The following SMO variants were observed in gnomAD, a reference collection of about 807,000 sequenced individuals.
SMO encodes smoothened, frizzled class receptor, also known as protein smoothened.
A neutral mutation model predicts 81.6 loss-of-function variants in SMO; 40 were observed. The ratio of observed to expected loss-of-function variants is 0.49; its 90% CI spans 0.38 to 0.64. SMO has a LOEUF of 0.64. Ranked by LOEUF, SMO falls within the 30% of genes least tolerant of loss-of-function variation. The pLI, the probability that SMO is intolerant of heterozygous loss-of-function variation, is 0.00. For missense variants in SMO, 916 were observed against 1,061.1 expected, an observed-to-expected ratio of 0.86 and a Z score of 1.90; for synonymous variants, 434 against 432.1, an observed-to-expected ratio of 1.00 and a Z score of -0.05.
chr7:129,208,783 A>G lies in SMO; in HGVS notation c.1289A>G (p.Lys430Arg), dbSNP rs1347338942. 1 of 1,613,664 alleles carries G rather than the reference A, an allele frequency of 6.2e-7. No individual in the cohort carries two copies. The highest frequency in any genetic ancestry group is 8.5e-7 in the Non-Finnish European group (1 of 1,179,670). Residue 430 changes from lysine (K) to arginine (R), a missense_variant, in exon 7 of 12, where the codon AAG becomes AGG. By Grantham distance (26) the Lys-to-Arg change is conservative (BLOSUM62 2). This residue lies in a region of SMO where 436 missense variants were observed against 570.9 expected (regional missense o/e 0.76). Coordinates refer to ENST00000249373, the MANE Select transcript of SMO (RefSeq NM_005631.5). This position sits in a 1 kb window ranked among gnomAD's most constrained non-coding sequence, Gnocchi z 5.2. ...IRGVMTLFSI[K>R]SNHPGLLSEK... Reference sequence around the variant, plus strand: ...GGAGTCATGACTCTGTTCTCCATCAAGAGCAACCACCCCGGGCTGCTGAGT... The same window carrying G: ...GGAGTCATGACTCTGTTCTCCATCAGGAGCAACCACCCCGGGCTGCTGAGT...
intron 7 of SMO, 197 bp downstream of exon 7, chr7:129,209,048 C>T (rs1341996843): frequency 1.6e-6 from 1 of 617,820 alleles, no homozygotes; most frequent in Non-Finnish European, 2.9e-6. Context: ...AGAATTCAGT[C>T]AAGTTCATGC....
At chr7:129,209,626 TGCCCAGC>T in intron 8 of SMO, 1 of 505,874 alleles carries the variant, frequency 2.0e-6, no homozygotes, top group Non-Finnish European at 3.6e-6. Flanking sequence ...CCCCCTTGGT[TGCCCAGC>T]TGGTGCATGT....
In SMO at chr7:129,207,365, C is replaced by T. The variant is rs148184570; in HGVS notation, c.1264+778C>T. Among the ~76,000 whole-genome samples, 400 of 152,320 alleles carry T rather than the reference C, an allele frequency of 2.6e-3. 2 individuals carry two copies. Among genetic ancestry groups the T allele is most frequent in the African/African-American group, 8.9e-3 (368 of 41,572 alleles). On this transcript the variant is annotated intron_variant, in intron 6 of 11. Coordinates refer to ENST00000249373, the MANE Select transcript of SMO (RefSeq NM_005631.5). ...CGGCACACACAGCTCTCACAGCATG[C>T]GTGGAATTAGTGGTCCCTAACTTTC...
rs768864378 is a variant in SMO at position 129,203,520 on chromosome 7, C to T, written c.468C>T (p.Ile156=). The T allele has an allele frequency of 1.2e-5, 20 of 1,608,026 alleles. No individual in the cohort carries two copies. The South Asian group carries it at 1.3e-4, about 11-fold the overall frequency. The change falls in exon 2 of 12, where the codon ATC becomes ATT. Residue 156 remains isoleucine (I), a synonymous_variant. Coordinates refer to ENST00000249373, the MANE Select transcript of SMO (RefSeq NM_005631.5). ...AGGCCACCCGAGGCCCCTGTGCCAT[C>T]GTGGAGAGGGAGCGGGGCTGGCCTG... ...LCQATRGPCA[I]VERERGWPDF...
intron 2 of SMO, 147 bp downstream of exon 2, chr7:129,203,736 C>T: frequency 1.6e-6 from 1 of 611,842 alleles, no homozygotes; most frequent in African/African-American, 1.8e-5. Flanking sequence ...GACACAAACT[C>T]AAACTGCAGC....
chr7:129,200,278 G>A (rs566633707), intron 1 of SMO, among the ~76,000 whole-genome samples: 32 of 152,150 alleles, frequency 2.1e-4, no homozygotes, highest in East Asian at 1.2e-3. Context: ...AAAATTAGCC[G>A]GGTGTGGTGG....
At chr7:129,205,568 A>T (rs2150648867) in intron 3 of SMO, 42 bp from the exon 4 acceptor site, 1 of 1,591,306 alleles carries the variant, frequency 6.3e-7, no homozygotes, top group Non-Finnish European at 8.6e-7. Context: ...GTGTCAGCAG[A>T]ATAACCCTAA....
In SMO at chr7:129,212,698, C is replaced by G. The variant is rs979706613; in HGVS notation, c.*247C>G. ...CTCAGGGTCCTTGTTTCTGCCCTGCCAGCTGCAGCCTGGTTGGCAGCATCT... is the reference window on the plus strand; with the variant it reads ...CTCAGGGTCCTTGTTTCTGCCCTGCGAGCTGCAGCCTGGTTGGCAGCATCT... On this transcript the variant is annotated 3_prime_UTR_variant, in exon 12 of 12. Coordinates refer to ENST00000249373, the MANE Select transcript of SMO (RefSeq NM_005631.5). This position sits in a 1 kb window ranked among gnomAD's most constrained non-coding sequence, Gnocchi z 5.0. 2.0e-5 allele frequency: 11 copies of G among 549,304 alleles called. No individual in the cohort carries two copies. Among genetic ancestry groups the G allele is most frequent in the Non-Finnish European group, 3.2e-5 (10 of 309,362 alleles). 34.0% of individuals were successfully genotyped at this position (549,304 alleles called of 1,614,324 possible).
In SMO at chr7:129,210,309, AAAG is replaced by A; in HGVS notation, c.1467-52_1467-50del. 1 of 1,471,018 alleles carries A rather than the reference AAAG, an allele frequency of 6.8e-7. No individual in the cohort carries two copies. The highest frequency in any genetic ancestry group is 1.1e-5 in the South Asian group (1 of 87,352). The allele number at this position is 1,471,018 out of a possible 1,614,324, so 91.1% of individuals were successfully genotyped here. A position where few individuals can be genotyped will look rare whatever the true frequency, so the allele number is the denominator to read the frequency against. ...GACAGAGCAAGATCCTATCTCAAAA[AAAG>A]AGAGAGGAAAAGAAAGGAAAGCCTC... On this transcript the variant is annotated intron_variant, in intron 8 of 11. Transcript: ENST00000249373. This position sits in a 1 kb window ranked among gnomAD's most constrained non-coding sequence, Gnocchi z 4.7.
rs566267559 is a variant in SMO at position 129,190,384 on chromosome 7, G to A, written c.331+902G>A. Reference sequence around the variant, plus strand: ...CTCTCCCCCACCTGTCACTTTTCTAGATGAGGCTTGGAGGGTGCTGAGGAA... The same window carrying A: ...CTCTCCCCCACCTGTCACTTTTCTAAATGAGGCTTGGAGGGTGCTGAGGAA... On this transcript the variant is annotated intron_variant, in intron 1 of 11. Coordinates refer to ENST00000249373, the MANE Select transcript of SMO (RefSeq NM_005631.5). Among the ~76,000 whole-genome samples the A allele has an allele frequency of 1.3e-4, 20 of 152,314 alleles. No homozygotes were observed. The South Asian group carries it at 2.9e-3, about 22-fold the overall frequency.
At position 129,189,918 on chromosome 7, in the gene SMO, C is replaced by T. The variant is rs55788193; in HGVS notation, c.331+436C>T. ...GGGATGACGGAGGAAGAGGTTTAGACATTTGGAGGGAAGGGTAGGGGGACA... is the reference window on the plus strand; with the variant it reads ...GGGATGACGGAGGAAGAGGTTTAGATATTTGGAGGGAAGGGTAGGGGGACA... On this transcript the variant is annotated intron_variant, in intron 1 of 11. Coordinates refer to ENST00000249373, the MANE Select transcript of SMO (RefSeq NM_005631.5). The surrounding 1 kb of genome is among the most constrained non-coding windows in gnomAD (Gnocchi z 4.7). Among the ~76,000 whole-genome samples the T allele has an allele frequency of 8.5e-4, 129 of 152,112 alleles. 3 individuals carry two copies. In the East Asian group the frequency reaches 0.017, roughly 20 times the overall value.
chr7:129,191,895 A>G (rs1479115804), intron 1 of SMO, among the ~76,000 whole-genome samples: 1 of 152,208 alleles, frequency 6.6e-6, no homozygotes, highest in African/African-American at 2.4e-5. Flanking sequence ...CTGCGCATGT[A>G]AGGATGAAGA....
intron 1 of SMO, among the ~76,000 whole-genome samples, chr7:129,202,993 GTA>G (rs1793695411): frequency 6.6e-6 from 1 of 152,206 alleles, no homozygotes; most frequent in South Asian, 2.1e-4. Flanking sequence ...CATGTAACCA[GTA>G]TCAGATCAGG....
chr7:129,197,367 G>A (rs1793598081), intron 1 of SMO, among the ~76,000 whole-genome samples: 2 of 152,124 alleles, frequency 1.3e-5, no homozygotes, highest in South Asian at 4.1e-4. Flanking sequence ...ATCAGATTAA[G>A]AACGTTGTCT....
chr7:129,202,290 A>G (rs1793684355), intron 1 of SMO, among the ~76,000 whole-genome samples: 2 of 152,200 alleles, frequency 1.3e-5, no homozygotes, highest in African/African-American at 4.8e-5. Context: ...CAGCCAGGAA[A>G]GAGTGGAGCC....
intron 8 of SMO, chr7:129,209,690 T>G: frequency 2.7e-6 from 1 of 366,544 alleles, no homozygotes. Flanking sequence ...TGACTGACAC[T>G]AAGTTGCCCT....
Position 129,210,360 on chromosome 7 carries a change from T to C in SMO, c.1467-3T>C, listed in dbSNP as rs1351886899. ...CTCACCTGTCTACGTTCCCTCACTG[T>C]AGATGTCAGGCCAATGTGACCATCG... On this transcript the variant is annotated splice_region_variant and splice_polypyrimidine_tract_variant and intron_variant, in intron 8 of 11. Transcript: ENST00000249373. This position sits in a 1 kb window ranked among gnomAD's most constrained non-coding sequence, Gnocchi z 4.7. 1 of 1,612,700 alleles carries C rather than the reference T, an allele frequency of 6.2e-7. No homozygotes were observed. Among genetic ancestry groups the C allele is most frequent in the Non-Finnish European group, 8.5e-7 (1 of 1,178,800 alleles).
rs1183561294 is a variant in SMO at position 129,208,445 on chromosome 7, C to CA, written c.1265-304dup. On this transcript the variant is annotated intron_variant, in intron 6 of 11. Transcript: ENST00000249373. The surrounding 1 kb of genome is among the most constrained non-coding windows in gnomAD (Gnocchi z 5.2). ...CAGCCTGGGCGACAGGGTTCCATCT[C>CA]AAAAAAAAAATTATATGGATAGCGC... Among the ~76,000 whole-genome samples, 82 of 63,234 alleles carry CA rather than the reference C, an allele frequency of 1.3e-3. No homozygotes were observed. Among genetic ancestry groups the CA allele is most frequent in the African/African-American group, 3.3e-3 (67 of 20,358 alleles). 41.5% of individuals were successfully genotyped at this position (63,234 alleles called of 152,430 possible). A position where few individuals can be genotyped will look rare whatever the true frequency, so the allele number is the denominator to read the frequency against.
chr7:129,209,107 G>A, intron 7 of SMO, 182 bp from the exon 8 acceptor site: 1 of 610,802 alleles, frequency 1.6e-6, no homozygotes, highest in South Asian at 2.0e-5. Flanking sequence ...CCCTCCCACA[G>A]TTGCTTCAAG....
Sources: allele counts gnomAD v4.1 joint callset (sites outside exome capture counted in the v4.1 genomes callset), GRCh38; gene constraint gnomAD v4.1.1; regional missense constraint gnomAD v4.1.1; non-coding constraint Gnocchi (gnomAD v3.1); transcripts MANE v1.5; gene names NCBI Gene and HGNC (gene_info 2026-07-23, HGNC 2026-07-21).